The following DPY19L3 variants were observed in gnomAD, a reference collection of about 807,000 sequenced individuals.
DPY19L3 encodes the protein dpy-19 like C-mannosyltransferase 3, also known as protein C-mannosyl-transferase DPY19L3.
DPY19L3 carries 51 observed loss-of-function variants against 92.3 expected under a neutral mutation model. The observed-to-expected ratio is 0.55, with a 90% CI of 0.44 to 0.70. DPY19L3 has a LOEUF of 0.70. DPY19L3 is among the 30% of genes least tolerant of loss of function. DPY19L3 has a pLI of 0.00. For synonymous variants in DPY19L3, 309 were observed against 315.2 expected, an observed-to-expected ratio of 0.98 and a Z score of 0.21; for missense variants, 706 against 855.9, an observed-to-expected ratio of 0.82 and a Z score of 2.18.
Position 32,458,344 on chromosome 19 carries a change from T to G in DPY19L3, c.1164-7T>G. On this transcript the variant is annotated splice_region_variant and splice_polypyrimidine_tract_variant and intron_variant, in intron 11 of 18. Coordinates refer to ENST00000392250, the MANE Select transcript of DPY19L3 (RefSeq NM_001172774.2). Reference sequence around the variant, plus strand: ...ATTTAATACTTTGCTTTCCATTTGTTCCCTAGGGATTTTGATGCAAATCTC... The same window carrying G: ...ATTTAATACTTTGCTTTCCATTTGTGCCCTAGGGATTTTGATGCAAATCTC... 1 of 1,609,232 alleles carries G rather than the reference T, an allele frequency of 6.2e-7. No homozygotes were observed. The highest frequency in any genetic ancestry group is 8.5e-7 in the Non-Finnish European group (1 of 1,178,820).
chr19:32,441,494 C>CTTTTTTTTTTTTTTTTTTTTT (rs11326098), intron 8 of DPY19L3, among the ~76,000 whole-genome samples: 2 of 130,212 alleles, frequency 1.5e-5, no homozygotes, highest in African/African-American at 3.0e-5. Context: ...ACATGTGTCT[C>CTTTTTTTTTTTTTTTTTTTTT]TTTTTTTTTT....
At chr19:32,438,886 A>C in intron 6 of DPY19L3, 1 of 421,850 alleles carries the variant, frequency 2.4e-6, no homozygotes, top group East Asian at 3.6e-5. Context: ...CTAGGTGCTA[A>C]GGGCATACCC....
chr19:32,440,793 T>C (rs1969297507), intron 8 of DPY19L3, among the ~76,000 whole-genome samples: 3 of 152,040 alleles, frequency 2.0e-5, no homozygotes, highest in African/African-American at 7.2e-5. Context: ...AGCAGACAAA[T>C]GATAGCTGCT....
intron 8 of DPY19L3, among the ~76,000 whole-genome samples, chr19:32,451,845 T>C (rs952268667): frequency 6.6e-6 from 1 of 151,890 alleles, no homozygotes; most frequent in Admixed American, 6.6e-5. Flanking sequence ...GCCTCCCCAC[T>C]TTTTTTAGAG....
At chr19:32,461,855 C>G (rs1171309720) in intron 12 of DPY19L3, among the ~76,000 whole-genome samples, 2 of 152,134 alleles carry the variant, frequency 1.3e-5, no homozygotes, top group African/African-American at 2.4e-5. Context: ...AGTCACTGAT[C>G]AGTCTTAACA....
At chr19:32,480,857 G>T in intron 18 of DPY19L3, 4 of 467,532 alleles carry the variant, frequency 8.6e-6, no homozygotes, top group Non-Finnish European at 1.5e-5. Context: ...TATCTGTGAA[G>T]GATTTTGCTG....
At chr19:32,424,624 T>G (rs1369069206) in intron 3 of DPY19L3, among the ~76,000 whole-genome samples, 5 of 152,136 alleles carry the variant, frequency 3.3e-5, no homozygotes, top group Admixed American at 6.5e-5. Context: ...AGCAAGAACC[T>G]GTCTCAAAAA....
At chr19:32,454,204 G>A (rs1969793544) in intron 9 of DPY19L3, among the ~76,000 whole-genome samples, 1 of 152,142 alleles carries the variant, frequency 6.6e-6, no homozygotes, top group African/African-American at 2.4e-5. Flanking sequence ...AAGGCACAAT[G>A]TACTTCTTTT....
intron 15 of DPY19L3, chr19:32,467,632 G>A (rs1452966868): frequency 1.0e-6 from 1 of 987,566 alleles, no homozygotes; most frequent in South Asian, 4.7e-5. Context: ...ATCAGGTGCT[G>A]CTTTGATTCT....
intron 2 of DPY19L3, among the ~76,000 whole-genome samples, chr19:32,410,161 C>T (rs1968127782): frequency 6.6e-6 from 1 of 152,166 alleles, no homozygotes; most frequent in South Asian, 2.1e-4. Flanking sequence ...TTTTGATTTG[C>T]ATTTCTTTAA....
chr19:32,480,401 T>A lies in DPY19L3; in HGVS notation c.1833T>A (p.Val611=). Reference sequence around the variant, plus strand: ...TGCATTTTTATGTCTTTTTGAAGGTTTATCAGATATATGCCAAGAGGGCAC... The same window carrying A: ...TGCATTTTTATGTCTTTTTGAAGGTATATCAGATATATGCCAAGAGGGCAC... ...DSSLRERTRA[V]YQIYAKRAPE... Residue 611 remains valine, a splice_region_variant and synonymous_variant, in exon 18 of 19, where the codon GTT becomes GTA. Transcript: ENST00000392250. 6.2e-7 allele frequency: 1 copy of A among 1,606,334 alleles called. No homozygotes were observed. The highest frequency in any genetic ancestry group is 8.5e-7 in the Non-Finnish European group (1 of 1,177,646).
chr19:32,439,383 T>A, intron 7 of DPY19L3, 148 bp downstream of exon 7: 1 of 868,764 alleles, frequency 1.2e-6, no homozygotes, highest in Non-Finnish European at 1.7e-6. Context: ...AAGTTTTCTT[T>A]TCGTGAGCTT....
intron 8 of DPY19L3, among the ~76,000 whole-genome samples, chr19:32,446,533 C>G (rs541690219): frequency 2.8e-4 from 42 of 152,176 alleles, no homozygotes; most frequent in Non-Finnish European, 3.8e-4. Context: ...AAAGATACAA[C>G]ATGCAAGTAT....
chr19:32,419,242 G>C (rs1968481537), intron 3 of DPY19L3, among the ~76,000 whole-genome samples: 1 of 148,666 alleles, frequency 6.7e-6, no homozygotes, highest in Non-Finnish European at 1.5e-5. Context: ...CTCCCTGCAA[G>C]CTCCACCTCC....
chr19:32,411,602 CTG>C (rs1457061202), intron 3 of DPY19L3: 1 of 442,866 alleles, frequency 2.3e-6, no homozygotes, highest in Non-Finnish European at 3.9e-6. Context: ...GAGTCTCACT[CTG>C]TCACCCAGGC....
At chr19:32,454,845 C>A in intron 9 of DPY19L3, 94 bp from the exon 10 acceptor site, 2 of 766,416 alleles carry the variant, frequency 2.6e-6, no homozygotes, top group South Asian at 1.8e-5. Flanking sequence ...GTTATATGAG[C>A]CAGTGTTTTT....
rs1348665665 is a variant in DPY19L3, at chr19:32,482,483, A to G, written c.*243A>G. 2.4e-6 allele frequency: 1 copy of G among 423,864 alleles called. No homozygotes were observed. The highest frequency in any genetic ancestry group is 4.5e-5 in the East Asian group (1 of 22,202). The allele number at this position is 423,864 out of a possible 1,614,324, so 26.3% of individuals were successfully genotyped here. A position where few individuals can be genotyped will look rare whatever the true frequency, so the allele number is the denominator to read the frequency against. On this transcript the variant is annotated 3_prime_UTR_variant, in exon 19 of 19. Transcript: ENST00000392250. ...TTAGCCTAAATGTTAACAACTTTCTAAGAGTGACCTAGAATTATGTTGTTG... is the reference window on the plus strand; with the variant it reads ...TTAGCCTAAATGTTAACAACTTTCTGAGAGTGACCTAGAATTATGTTGTTG...
chr19:32,411,427 A>G (rs1291262836), intron 3 of DPY19L3, 55 bp downstream of exon 3: 2 of 1,596,828 alleles, frequency 1.3e-6, no homozygotes, highest in Admixed American at 1.7e-5. Context: ...TCCAGTAGTA[A>G]GCCATGTGGA....
At chr19:32,455,142 T>G (rs1188706128) in intron 10 of DPY19L3, 102 bp downstream of exon 10, 3 of 787,136 alleles carry the variant, frequency 3.8e-6, no homozygotes, top group Non-Finnish European at 5.7e-6. Flanking sequence ...AACTAATTGT[T>G]TTAGAGACAG....
Sources: gnomAD v4.1 joint callset for allele counts (sites outside exome capture counted in the v4.1 genomes callset) on GRCh38, gnomAD v4.1.1 for gene constraint, MANE v1.5 for transcripts, NCBI Gene and HGNC (gene_info 2026-07-23, HGNC 2026-07-21) for gene names.